Variants in STX2 observed in about 807,000 individuals in gnomAD.
The protein encoded by STX2 is syntaxin-2.
STX2 carries 27 observed loss-of-function variants against 40.6 expected under a neutral mutation model. The ratio of observed to expected loss-of-function variants is 0.66; its 90% CI spans 0.49 to 0.92. STX2 has a LOEUF of 0.92. Ranked by LOEUF, STX2 falls within the 40% of genes least tolerant of loss-of-function variation. The pLI, the probability that STX2 is intolerant of heterozygous loss-of-function variation, is 0.00. For missense variants in STX2, 328 were observed against 366.1 expected, an observed-to-expected ratio of 0.90 and a Z score of 0.85; for synonymous variants, 123 against 119.1, an observed-to-expected ratio of 1.03 and a Z score of -0.22.
chr12:130,828,002 G>A (rs527873905), intron 1 of STX2, among the ~76,000 whole-genome samples: 256 of 152,144 alleles, frequency 1.7e-3, no homozygotes, highest in Non-Finnish European at 2.9e-3. Context: ...CATTGATCAG[G>A]AGCTGAAGAC....
chr12:130,833,553 G>A (rs750900546), intron 1 of STX2, among the ~76,000 whole-genome samples: 3 of 151,890 alleles, frequency 2.0e-5, no homozygotes, highest in Non-Finnish European at 2.9e-5. Flanking sequence ...AGAGATTACA[G>A]GCACCTACCA....
chr12:130,793,863 C>A (rs1320305638), intron 10 of STX2, among the ~76,000 whole-genome samples: 1 of 152,244 alleles, frequency 6.6e-6, no homozygotes, highest in Non-Finnish European at 1.5e-5. Context: ...TTAACCACTG[C>A]CTTCCTATGC....
chr12:130,833,390 C>T (rs903993033), intron 1 of STX2, among the ~76,000 whole-genome samples: 10 of 149,862 alleles, frequency 6.7e-5, no homozygotes, highest in Non-Finnish European at 1.3e-4. Context: ...GCCCTCAAAG[C>T]CTGGGAGAAA....
At chr12:130,839,005 C>A in intron 1 of STX2, 65 bp downstream of exon 1, 1 of 1,256,078 alleles carries the variant, frequency 8.0e-7, no homozygotes, top group African/African-American at 1.6e-5. Context: ...ACGCCCCGAG[C>A]CCCCGCCCGC....
At chr12:130,837,106 C>CTTT (rs71951784) in intron 1 of STX2, among the ~76,000 whole-genome samples, 3 of 139,832 alleles carry the variant, frequency 2.1e-5, no homozygotes, top group African/African-American at 5.3e-5. Flanking sequence ...TGACATTGAG[C>CTTT]TTTTTTTTTT....
Position 130,802,343 on chromosome 12 carries a change from G to A in STX2, c.464-855C>T, listed in dbSNP as rs142464134. 1.3e-3 allele frequency among the ~76,000 whole-genome samples: 204 copies of A among 152,202 alleles called. 4 individuals carry two copies. Among genetic ancestry groups the A allele is most frequent in the African/African-American group, 4.6e-3 (190 of 41,532 alleles). Reference sequence around the variant, plus strand: ...CCCCTGAGTGGTGGGGACTACACGCGTGCGTCACCACGCCCGGCTAATTTT... The same window carrying A: ...CCCCTGAGTGGTGGGGACTACACGCATGCGTCACCACGCCCGGCTAATTTT... On this transcript the variant is annotated intron_variant, in intron 6 of 10. Transcript: ENST00000392373.
In STX2 at chr12:130,828,173, A is replaced by C. The variant is rs73457312; in HGVS notation, c.31-906T>G. Among the ~76,000 whole-genome samples the C allele has an allele frequency of 4.4e-3, 671 of 152,262 alleles. 10 individuals are homozygous for C. The highest frequency in any genetic ancestry group is 0.016 in the African/African-American group (648 of 41,562). On this transcript the variant is annotated intron_variant, in intron 1 of 10. Transcript: ENST00000392373. Reference sequence around the variant, plus strand: ...TAACACTACTTTCATGGGTAATATTAATATATAAACCAATAAAGGCTTCTA... The same window carrying C: ...TAACACTACTTTCATGGGTAATATTCATATATAAACCAATAAAGGCTTCTA...
intron 3 of STX2, among the ~76,000 whole-genome samples, chr12:130,816,386 C>G (rs1048911932): frequency 6.6e-6 from 1 of 151,104 alleles, no homozygotes; most frequent in Non-Finnish European, 1.5e-5. Context: ...GCACTCATGA[C>G]GGAGTGAACT....
Position 130,807,003 on chromosome 12 carries a change from T to A in STX2, c.442A>T (p.Ile148Phe). ...TLFRERSKGR[I>F]QRQLEITGRT... The stretch of plus-strand genomic sequence containing the variant: ...TCACTTATCTCCAGCTGGCGCTGGA[T>A]GCGGCCTTTGCTCCGCTCCCGAAAC... The change falls in exon 6 of 11, where the codon ATC (isoleucine) becomes TTC (phenylalanine). Residue 148 changes from isoleucine to phenylalanine, a missense_variant. Physicochemically the swap from Ile to Phe is conservative, Grantham distance 21. Coordinates refer to ENST00000392373, the MANE Select transcript of STX2 (RefSeq NM_194356.4). 2 of 1,614,240 alleles carry A rather than the reference T, an allele frequency of 1.2e-6. No homozygotes were observed. Among genetic ancestry groups the A allele is most frequent in the Non-Finnish European group, 8.5e-7 (1 of 1,180,032 alleles).
chr12:130,829,155 G>C (rs1440758383), intron 1 of STX2, among the ~76,000 whole-genome samples: 1 of 152,164 alleles, frequency 6.6e-6, no homozygotes, highest in Admixed American at 6.5e-5. Flanking sequence ...CATGCTCAAT[G>C]GTTATGGTCT....
rs947387379 is a variant in STX2 at position 130,839,206 on chromosome 12, G to A, written c.-107C>T. 3.4e-5 allele frequency: 34 copies of A among 995,462 alleles called. No individual in the cohort carries two copies. The highest frequency in any genetic ancestry group is 3.8e-5 in the Non-Finnish European group (31 of 817,384). The allele number at this position is 995,462 out of a possible 1,614,324, so 61.7% of individuals were successfully genotyped here. On this transcript the variant is annotated 5_prime_UTR_variant, in exon 1 of 11. Transcript: ENST00000392373. ...GCCTCAGGCCCCGCGGTCCCGGCCC[G>A]GCGCCAGCAGCCCTCCCTGGAGCCG...
intron 4 of STX2, among the ~76,000 whole-genome samples, chr12:130,811,890 G>C (rs1951673845): frequency 6.6e-6 from 1 of 152,168 alleles, no homozygotes; most frequent in African/African-American, 2.4e-5. Context: ...GTAATCAGAT[G>C]CTGCATCTTT....
Position 130,809,795 on chromosome 12 carries a change from C to T in STX2, c.281-1091G>A, listed in dbSNP as rs56772292. ...TAGTGCCATTGCACTCCAGCCTAGG[C>T]GACAAGAGCGAAACTCCATCTCAAA... On this transcript the variant is annotated intron_variant, in intron 4 of 10. Transcript: ENST00000392373. 4.5e-3 allele frequency among the ~76,000 whole-genome samples: 692 copies of T among 152,172 alleles called. 9 individuals are homozygous for T. Among genetic ancestry groups the T allele is most frequent in the African/African-American group, 0.016 (660 of 41,514 alleles).
At chr12:130,795,901 G>C (rs1397883853) in intron 10 of STX2, 94 bp downstream of exon 10, 10 of 1,429,432 alleles carry the variant, frequency 7.0e-6, no homozygotes, top group Non-Finnish European at 9.2e-6. Context: ...TGGCTGGCAA[G>C]CTTTTATTAG....
rs1403321829 is a variant in STX2, at chr12:130,789,772, C to T, written c.*2251G>A. 1 of 152,592 alleles carries T rather than the reference C, an allele frequency of 6.6e-6. No homozygotes were observed. The highest frequency in any genetic ancestry group is 1.5e-5 in the Non-Finnish European group (1 of 68,028). The allele number at this position is 152,592 out of a possible 1,614,324, so 9.5% of individuals were successfully genotyped here. On this transcript the variant is annotated 3_prime_UTR_variant, in exon 11 of 11. Coordinates refer to ENST00000392373, the MANE Select transcript of STX2 (RefSeq NM_194356.4). ...AAAGTCTCAAGTGAATCTGTAAATACATTTTTAAGTCTGACTTCAAATCGG... is the reference window on the plus strand; with the variant it reads ...AAAGTCTCAAGTGAATCTGTAAATATATTTTTAAGTCTGACTTCAAATCGG...
chr12:130,795,102 TTATATTC>T (rs1401735567), intron 10 of STX2, among the ~76,000 whole-genome samples: 2 of 152,212 alleles, frequency 1.3e-5, no homozygotes, highest in Non-Finnish European at 2.9e-5. Context: ...CTGATACCTT[TTATATTC>T]AGAATTCTTT....
In STX2 at chr12:130,811,601, G is replaced by A. The variant is rs186112236; in HGVS notation, c.280+1356C>T. Among the ~76,000 whole-genome samples the A allele has an allele frequency of 8.6e-3, 1,221 of 142,012 alleles. 14 individuals are homozygous for A. The highest frequency in any genetic ancestry group is 0.031 in the African/African-American group (1,165 of 37,752). The allele number at this position is 142,012 out of a possible 152,430, so 93.2% of individuals were successfully genotyped here. A position where few individuals can be genotyped will look rare whatever the true frequency, so the allele number is the denominator to read the frequency against. Reference sequence around the variant, plus strand: ...GTCGCCCAGGCTGGAGTGCAGTGGCGTGATCTCGGCTCACTGCAAGCTCTG... The same window carrying A: ...GTCGCCCAGGCTGGAGTGCAGTGGCATGATCTCGGCTCACTGCAAGCTCTG... On this transcript the variant is annotated intron_variant, in intron 4 of 10. Transcript: ENST00000392373.
At chr12:130,817,929 C>T (rs980684710) in intron 3 of STX2, among the ~76,000 whole-genome samples, 1 of 151,576 alleles carries the variant, frequency 6.6e-6, no homozygotes, top group Non-Finnish European at 1.5e-5. Context: ...AGGAAGGCCT[C>T]GGGTGGGGTG....
intron 9 of STX2, 67 bp downstream of exon 9, chr12:130,798,458 C>T (rs1951102132): frequency 9.3e-7 from 1 of 1,078,684 alleles, no homozygotes; most frequent in Non-Finnish European, 1.3e-6. Context: ...AGGCTTACAT[C>T]AATGTATTAC....
Sources: allele counts gnomAD v4.1 joint callset (sites outside exome capture counted in the v4.1 genomes callset), GRCh38; gene constraint gnomAD v4.1.1; transcripts MANE v1.5; gene names NCBI Gene and HGNC (gene_info 2026-07-23, HGNC 2026-07-21).